ANKFN1: variants seen among roughly 807,000 people sequenced by gnomAD.
ANKFN1 encodes ankyrin repeat and fibronectin type III domain containing 1.
ANKFN1 carries 74 observed loss-of-function variants against 108.7 expected under a neutral mutation model. The ratio of observed to expected loss-of-function variants is 0.68; its 90% CI spans 0.56 to 0.83. The LOEUF (loss-of-function observed/expected upper bound fraction) is 0.83. Among genes scored for constraint, ANKFN1 ranks in the 40% least tolerant of loss-of-function variants. The pLI, the probability that ANKFN1 is intolerant of heterozygous loss-of-function variation, is 0.00. For synonymous variants in ANKFN1, 547 were observed against 516.2 expected, an observed-to-expected ratio of 1.06 and a Z score of -0.81; for missense variants, 1,505 against 1,382.3, an observed-to-expected ratio of 1.09 and a Z score of -1.41.
chr17:56,101,803 T>C (rs1905652101), intron 4 of ANKFN1, among the ~76,000 whole-genome samples: 2 of 152,182 alleles, frequency 1.3e-5, no homozygotes, highest in Admixed American at 1.3e-4. Flanking sequence ...GACCAGTCTC[T>C]TGCATCAGAA....
At chr17:56,165,920 C>G (rs910603896) in intron 1 of ANKFN1, among the ~76,000 whole-genome samples, 33 of 152,252 alleles carry the variant, frequency 2.2e-4, no homozygotes, top group Admixed American at 1.2e-3. Context: ...AGGTCCTAGT[C>G]CATGAGTCCT....
chr17:56,277,444 T>A (rs928675182), intron 3 of ANKFN1, among the ~76,000 whole-genome samples: 1 of 152,040 alleles, frequency 6.6e-6, no homozygotes, highest in Non-Finnish European at 1.5e-5. Context: ...TAATGCTAAT[T>A]ATAATAATAA....
chr17:56,083,953 C>T (rs2143173043), intron 4 of ANKFN1, among the ~76,000 whole-genome samples: 1 of 151,246 alleles, frequency 6.6e-6, no homozygotes, highest in East Asian at 1.9e-4. Context: ...GTAAAATGTC[C>T]TCAGGCTGGT....
chr17:56,188,467 TTAAA>T (rs1458147663), intron 1 of ANKFN1, among the ~76,000 whole-genome samples: 2 of 149,984 alleles, frequency 1.3e-5, no homozygotes, highest in African/African-American at 4.9e-5. Context: ...ATTTTAAGTA[TTAAA>T]TAAGTATATG....
intron 8 of ANKFN1, among the ~76,000 whole-genome samples, chr17:56,379,200 C>T (rs988346976): frequency 1.3e-5 from 2 of 151,986 alleles, no homozygotes; most frequent in Admixed American, 6.6e-5. Context: ...AGATCGAGAC[C>T]ATCCTGGCTA....
intron 4 of ANKFN1, among the ~76,000 whole-genome samples, chr17:56,094,335 G>T (rs896755004): frequency 6.6e-6 from 1 of 151,018 alleles, no homozygotes; most frequent in South Asian, 2.1e-4. Flanking sequence ...TCATGGTTTT[G>T]CAGAGTAAAA....
At chr17:56,374,908 G>A (rs1438340625) in intron 8 of ANKFN1, among the ~76,000 whole-genome samples, 194 bp downstream of exon 8, 1 of 152,176 alleles carries the variant, frequency 6.6e-6, no homozygotes, top group East Asian at 1.9e-4. Flanking sequence ...GTCACAGAAA[G>A]GAAGAACCAC....
At chr17:56,206,689 T>C (rs931143701) in intron 1 of ANKFN1, 1 of 152,166 alleles carries the variant, frequency 6.6e-6, no homozygotes, top group Non-Finnish European at 1.5e-5. Context: ...TAATTGAACA[T>C]AGAAATTTTG....
chr17:56,254,472 G>A (rs2043310205), intron 3 of ANKFN1, among the ~76,000 whole-genome samples: 1 of 152,180 alleles, frequency 6.6e-6, no homozygotes, highest in South Asian at 2.1e-4. Context: ...GAATGACTGT[G>A]CTTCCTTTCC....
chr17:56,484,690 C>T (rs1214979116), intron 18 of ANKFN1, among the ~76,000 whole-genome samples: 1 of 152,184 alleles, frequency 6.6e-6, no homozygotes, highest in Non-Finnish European at 1.5e-5. Flanking sequence ...CTATTAATAA[C>T]AGCTGAAGCC....
rs926094670 is a variant in ANKFN1, at chr17:56,140,974, TC to T, written c.289-86940del. Among the ~76,000 whole-genome samples the T allele has an allele frequency of 2.0e-5, 3 of 152,176 alleles. 1 individual carries two copies. Among genetic ancestry groups the T allele is most frequent in the African/African-American group, 7.2e-5 (3 of 41,456 alleles). On this transcript the variant is annotated intron_variant, in intron 4 of 12. Transcript: ENST00000635860. The stretch of plus-strand genomic sequence containing the variant: ...CATGTGTTTCTTTATATCTCCACAG[TC>T]CCTACTATCAGCCTTACCTACTGGA...
Position 56,300,341 on chromosome 17 carries a change from G to A in ANKFN1, c.54-25880G>A, listed in dbSNP as rs561000361. Among the ~76,000 whole-genome samples, 34 of 152,332 alleles carry A rather than the reference G, an allele frequency of 2.2e-4. No individual in the cohort carries two copies. In the South Asian group the frequency reaches 5.0e-3, roughly 22 times the overall value. On this transcript the variant is annotated intron_variant, in intron 3 of 20. Coordinates refer to ENST00000682825, the MANE Select transcript of ANKFN1 (RefSeq NM_001370326.1). ...ACCAGCTGCTTTTTGGGTTTGTCAA[G>A]CATCTCAAGTTATTTCTCAGGAGTT...
At chr17:56,414,356 G>A (rs575363616) in intron 8 of ANKFN1, among the ~76,000 whole-genome samples, 1 of 152,258 alleles carries the variant, frequency 6.6e-6, no homozygotes, top group East Asian at 1.9e-4. Flanking sequence ...AAATACAGGA[G>A]GATGGGTGGA....
At chr17:56,220,880 GAGGGA>G (rs1915836150) in intron 2 of ANKFN1, among the ~76,000 whole-genome samples, 1 of 67,822 alleles carries the variant, frequency 1.5e-5, no homozygotes, top group African/African-American at 1.3e-4. Context: ...GGGAGGGAGG[GAGGGA>G]GGGAGGAAGG....
intron 3 of ANKFN1, among the ~76,000 whole-genome samples, chr17:56,292,038 T>C (rs2044377274): frequency 1.3e-5 from 2 of 152,196 alleles, no homozygotes; most frequent in Admixed American, 1.3e-4. Context: ...TTCATTTTAG[T>C]AGAGCATAGG....
At chr17:56,273,370 C>G (rs1371284732) in intron 3 of ANKFN1, among the ~76,000 whole-genome samples, 2 of 151,962 alleles carry the variant, frequency 1.3e-5, no homozygotes, top group African/African-American at 2.4e-5. Flanking sequence ...ATTTTTTTCC[C>G]AATTTTTTAC....
intron 8 of ANKFN1, among the ~76,000 whole-genome samples, chr17:56,428,060 C>T (rs1598591677): frequency 6.6e-6 from 1 of 151,876 alleles, no homozygotes; most frequent in Non-Finnish European, 1.5e-5. Flanking sequence ...TGATGAAACC[C>T]CATCTCTACT....
At chr17:56,109,308 A>T (rs1336240696) in intron 4 of ANKFN1, among the ~76,000 whole-genome samples, 1 of 152,172 alleles carries the variant, frequency 6.6e-6, no homozygotes, top group East Asian at 1.9e-4. Flanking sequence ...ACATGGGTGG[A>T]TGGAGCCTCC....
At chr17:56,178,428 C>T (rs9897222) in intron 1 of ANKFN1, among the ~76,000 whole-genome samples, 2,424 of 152,292 alleles carry the variant, frequency 0.016, 56 homozygotes, top group African/African-American at 0.055. Flanking sequence ...CTGTGGATTC[C>T]TGAATACATA....
Sources: allele counts gnomAD v4.1 joint callset (sites outside exome capture counted in the v4.1 genomes callset), GRCh38; gene constraint gnomAD v4.1.1; transcripts MANE v1.5; gene names NCBI Gene and HGNC (gene_info 2026-07-23, HGNC 2026-07-21).